Variants in PTPRM observed in about 807,000 individuals in gnomAD.
PTPRM encodes protein tyrosine phosphatase receptor type M, also known as receptor-type tyrosine-protein phosphatase mu.
A neutral mutation model predicts 186.7 loss-of-function variants in PTPRM; 47 were observed. The ratio of observed to expected loss-of-function variants is 0.25; its 90% CI spans 0.20 to 0.32. The LOEUF is 0.32. PTPRM is among the 10% of genes least tolerant of loss of function. The pLI, the probability that PTPRM is intolerant of heterozygous loss-of-function variation, is 1.00. For missense variants in PTPRM, 1,494 were observed against 1,865.0 expected (o/e 0.80, Z 3.66); for synonymous variants, 668 against 674.9 (o/e 0.99, Z 0.16).
At chr18:8,369,886 A>G (rs960212987) in intron 23 of PTPRM, among the ~76,000 whole-genome samples, 10 of 152,178 alleles carry the variant, frequency 6.6e-5, no homozygotes, top group South Asian at 4.1e-4. Flanking sequence ...AGGATTCAAG[A>G]TTATAGTGGG....
chr18:8,325,115 T>C (rs1476013368), intron 22 of PTPRM, among the ~76,000 whole-genome samples: 1 of 152,218 alleles, frequency 6.6e-6, no homozygotes, highest in African/African-American at 2.4e-5. Flanking sequence ...ATCTCTGTGC[T>C]CATCATAAAT....
intron 14 of PTPRM, among the ~76,000 whole-genome samples, chr18:8,198,446 G>A: frequency 6.6e-6 from 1 of 152,112 alleles, no homozygotes; most frequent in East Asian, 1.9e-4. Flanking sequence ...ATCACACCCG[G>A]CCAAAATTTT....
At chr18:7,989,350 A>G (rs149443913) in intron 7 of PTPRM, among the ~76,000 whole-genome samples, 175 of 152,290 alleles carry the variant, frequency 1.1e-3, no homozygotes, top group African/African-American at 3.9e-3. Flanking sequence ...TATTGCTATT[A>G]TTAGCCCCAA....
intron 19 of PTPRM, among the ~76,000 whole-genome samples, chr18:8,278,519 C>T (rs2094863884): frequency 6.6e-6 from 1 of 152,122 alleles, no homozygotes; most frequent in African/African-American, 2.4e-5. Flanking sequence ...TGAGGGATTG[C>T]TGCAGTCGTC....
chr18:8,344,505 TC>T (rs1317813449), intron 23 of PTPRM, among the ~76,000 whole-genome samples: 1 of 146,608 alleles, frequency 6.8e-6, no homozygotes, highest in African/African-American at 2.6e-5. Context: ...AACCTGAAAA[TC>T]CCCCTACAGA....
chr18:8,107,168 T>C (rs988799473), intron 11 of PTPRM, among the ~76,000 whole-genome samples: 10 of 152,182 alleles, frequency 6.6e-5, no homozygotes, highest in African/African-American at 2.4e-4. Context: ...ATTGAGATGA[T>C]TAAATTGTGT....
intron 2 of PTPRM, among the ~76,000 whole-genome samples, chr18:7,865,652 T>C (rs1387317916): frequency 6.6e-6 from 1 of 152,162 alleles, no homozygotes; most frequent in Non-Finnish European, 1.5e-5. Flanking sequence ...TTTTCTTTTT[T>C]TGTTGTGTCT....
At chr18:8,184,356 T>C (rs777104120) in intron 14 of PTPRM, among the ~76,000 whole-genome samples, 8 of 152,190 alleles carry the variant, frequency 5.3e-5, no homozygotes, top group Non-Finnish European at 1.0e-4. Flanking sequence ...TGTGCTGTTT[T>C]TGAAAGTCAG....
chr18:8,081,680 G>A (rs948886399), intron 9 of PTPRM, among the ~76,000 whole-genome samples: 2 of 152,118 alleles, frequency 1.3e-5, no homozygotes, highest in African/African-American at 4.8e-5. Context: ...GAGTTAGAGT[G>A]CCCCTGCTGC....
chr18:8,078,545 T>G (rs2089955051), intron 9 of PTPRM, among the ~76,000 whole-genome samples: 1 of 152,204 alleles, frequency 6.6e-6, no homozygotes, highest in Non-Finnish European at 1.5e-5. Flanking sequence ...ACACAGGTGT[T>G]TCTTTAAGGG....
chr18:8,262,523 C>CT (rs1284080776), intron 19 of PTPRM, among the ~76,000 whole-genome samples: 1 of 152,180 alleles, frequency 6.6e-6, no homozygotes, highest in African/African-American at 2.4e-5. Context: ...GCCTCCAGGG[C>CT]TCATGCTGCA....
chr18:7,942,025 C>T (rs940828423), intron 5 of PTPRM, among the ~76,000 whole-genome samples: 3 of 152,168 alleles, frequency 2.0e-5, no homozygotes, highest in Admixed American at 6.5e-5. Flanking sequence ...ATGGCTCACA[C>T]CTGTAATCCC....
chr18:8,368,277 C>T (rs374051517), intron 23 of PTPRM, among the ~76,000 whole-genome samples: 1 of 151,556 alleles, frequency 6.6e-6, no homozygotes. Flanking sequence ...TTGTTACTGT[C>T]AAATTAGACA....
At chr18:7,834,065 G>A (rs529751721) in intron 2 of PTPRM, among the ~76,000 whole-genome samples, 2 of 152,136 alleles carry the variant, frequency 1.3e-5, no homozygotes, top group South Asian at 2.1e-4. Context: ...CTAGCTGTGG[G>A]TCTGTTATAT....
chr18:7,925,594 C>T (rs2051123509), intron 4 of PTPRM, among the ~76,000 whole-genome samples: 1 of 152,090 alleles, frequency 6.6e-6, no homozygotes, highest in Non-Finnish European at 1.5e-5. Context: ...GAAAAGCTGG[C>T]AAGGCGTGAC....
chr18:8,192,656 A>T (rs906388527), intron 14 of PTPRM, among the ~76,000 whole-genome samples: 17 of 152,214 alleles, frequency 1.1e-4, no homozygotes, highest in African/African-American at 3.9e-4. Flanking sequence ...GTTTTTCCTT[A>T]CAGCATACTG....
At chr18:8,090,882 A>G (rs1185023652) in intron 11 of PTPRM, among the ~76,000 whole-genome samples, 1 of 152,150 alleles carries the variant, frequency 6.6e-6, no homozygotes, top group South Asian at 2.1e-4. Flanking sequence ...GGTGTGAGCC[A>G]CCATGCCTGG....
chr18:8,048,355 A>C (rs1360306295), intron 7 of PTPRM, among the ~76,000 whole-genome samples: 2 of 151,778 alleles, frequency 1.3e-5, no homozygotes, highest in Admixed American at 6.6e-5. Context: ...CCTTCTTTCT[A>C]TCTTTTTAAA....
chr18:8,252,986 T>G (rs996027186), intron 18 of PTPRM, among the ~76,000 whole-genome samples: 1 of 152,238 alleles, frequency 6.6e-6, no homozygotes, highest in Non-Finnish European at 1.5e-5. Context: ...TCAATTAGCT[T>G]TGTGAAAGCA....
Sources: gnomAD v4.1 joint callset for allele counts (sites outside exome capture counted in the v4.1 genomes callset) on GRCh38, gnomAD v4.1.1 for gene constraint, MANE v1.5 for transcripts, NCBI Gene and HGNC (gene_info 2026-07-23, HGNC 2026-07-21) for gene names.